The following WDFY1 variants were observed in gnomAD, a reference collection of about 807,000 sequenced individuals.
WDFY1 encodes the protein WD repeat and FYVE domain-containing protein 1.
Under a neutral mutation model 56.4 loss-of-function variants are expected in WDFY1, and 32 were observed. The observed-to-expected ratio is 0.57, with a 90% confidence interval of 0.43 to 0.76. The LOEUF (loss-of-function observed/expected upper bound fraction) is 0.76. Ranked by LOEUF, WDFY1 falls within the 30% of genes least tolerant of loss-of-function variation. WDFY1 has a pLI of 0.00. For missense variants in WDFY1, 480 were observed against 545.7 expected (o/e 0.88, Z 1.20); for synonymous variants, 192 against 197.3 (o/e 0.97, Z 0.23).
chr2:223,902,615 G>C (rs1389430415), intron 4 of WDFY1, among the ~76,000 whole-genome samples: 1 of 151,926 alleles, frequency 6.6e-6, no homozygotes, highest in Non-Finnish European at 1.5e-5. Flanking sequence ...ATTTGAGTAG[G>C]CCATATCTCA....
At chr2:223,903,126 A>T (rs967393265) in intron 4 of WDFY1, among the ~76,000 whole-genome samples, 1 of 152,182 alleles carries the variant, frequency 6.6e-6, no homozygotes, top group African/African-American at 2.4e-5. Flanking sequence ...CAATCCCTAT[A>T]TTAGTCCTCC....
rs188425314 is a variant in WDFY1 at position 223,944,476 on chromosome 2, G to A, written c.137+672C>T. Among the ~76,000 whole-genome samples the A allele has an allele frequency of 8.8e-3, 1,342 of 152,242 alleles. 19 individuals carry two copies. Among genetic ancestry groups the A allele is most frequent in the African/African-American group, 0.028 (1,157 of 41,554 alleles). ...CGCGTTGGTGCGCACTGGAACAGGG[G>A]TCCCCGGCTTGAGCAGCGCGGTGAG... On this transcript the variant is annotated intron_variant, in intron 1 of 11. Coordinates refer to ENST00000233055, the MANE Select transcript of WDFY1 (RefSeq NM_020830.5).
chr2:223,876,233 A>G lies in WDFY1; in HGVS notation c.*2438T>C, dbSNP rs767266243. The G allele has an allele frequency of 1.3e-5, 2 of 152,580 alleles. No individual in the cohort carries two copies. The highest frequency in any genetic ancestry group is 2.9e-5 in the Non-Finnish European group (2 of 68,020). The allele number at this position is 152,580 out of a possible 1,614,324, so 9.5% of individuals were successfully genotyped here. On this transcript the variant is annotated 3_prime_UTR_variant, in exon 12 of 12. Coordinates refer to ENST00000233055, the MANE Select transcript of WDFY1 (RefSeq NM_020830.5). ...TCCTTAATCCCTATCTGTACAAATT[A>G]GCCTGCATATTCAGGAATGGAACAA...
chr2:223,919,074 C>A (rs1693845290), intron 1 of WDFY1, among the ~76,000 whole-genome samples: 1 of 152,218 alleles, frequency 6.6e-6, no homozygotes, highest in Middle Eastern at 3.2e-3. Flanking sequence ...GGCCTCTGGG[C>A]GCCAGGCCTC....
chr2:223,879,597 C>T (rs1471288413), intron 11 of WDFY1, among the ~76,000 whole-genome samples: 1 of 151,738 alleles, frequency 6.6e-6, no homozygotes, highest in Non-Finnish European at 1.5e-5. Context: ...AAGGTGAAGG[C>T]CGCAGTGAGT....
intron 2 of WDFY1, 79 bp downstream of exon 2, chr2:223,917,864 G>A: frequency 1.3e-6 from 2 of 1,554,220 alleles, no homozygotes; most frequent in South Asian, 1.1e-5. Context: ...GAGCCACCAT[G>A]CTCAGCCGAC....
intron 1 of WDFY1, 151 bp from the exon 2 acceptor site, chr2:223,918,161 A>ATGTATG: frequency 1.5e-6 from 1 of 654,126 alleles, no homozygotes; most frequent in Non-Finnish European, 2.6e-6. Context: ...ATATACATAC[A>ATGTATG]TGTACACATA....
intron 7 of WDFY1, among the ~76,000 whole-genome samples, chr2:223,894,713 T>G (rs1221295446): frequency 6.6e-6 from 1 of 152,170 alleles, no homozygotes; most frequent in South Asian, 2.1e-4. Context: ...ACAATTCATA[T>G]GAACAAGGAG....
At chr2:223,929,463 C>G (rs1454380784) in intron 1 of WDFY1, among the ~76,000 whole-genome samples, 1 of 152,268 alleles carries the variant, frequency 6.6e-6, no homozygotes, top group South Asian at 2.1e-4. Flanking sequence ...GCTGGGATTA[C>G]AGGCATGAGC....
At chr2:223,918,194 T>C (rs927940500) in intron 1 of WDFY1, among the ~76,000 whole-genome samples, 184 bp from the exon 2 acceptor site, 10 of 151,744 alleles carry the variant, frequency 6.6e-5, no homozygotes, top group Non-Finnish European at 1.3e-4. Context: ...ATAACATATA[T>C]ATTATATACA....
chr2:223,918,029 A>G lies in WDFY1; in HGVS notation c.138-19T>C, dbSNP rs1327687833. The G allele has an allele frequency of 6.2e-7, 1 of 1,611,176 alleles. No homozygotes were observed. The highest frequency in any genetic ancestry group is 8.5e-7 in the Non-Finnish European group (1 of 1,179,324). ...GATGGTTCTGTGGAGAAAAGAAAAG[A>G]AAAAATAGAGTAGGTTTTAGTAATT... On this transcript the variant is annotated intron_variant, in intron 1 of 11. Transcript: ENST00000233055.
chr2:223,915,305 T>C (rs992944637), intron 2 of WDFY1, among the ~76,000 whole-genome samples: 6 of 152,202 alleles, frequency 3.9e-5, no homozygotes, highest in African/African-American at 1.4e-4. Flanking sequence ...CTTCTTGAGC[T>C]AGAAGCTCCT....
chr2:223,910,993 G>C (rs1030957701), intron 3 of WDFY1, among the ~76,000 whole-genome samples: 5 of 152,098 alleles, frequency 3.3e-5, no homozygotes, highest in Admixed American at 1.3e-4. Flanking sequence ...ATTGATAATA[G>C]CCAAAAAGTG....
intron 8 of WDFY1, among the ~76,000 whole-genome samples, chr2:223,892,437 A>G (rs1206715724): frequency 6.6e-6 from 1 of 152,190 alleles, no homozygotes; most frequent in African/African-American, 2.4e-5. Context: ...AAAATCTCAC[A>G]ATCAGTACGT....
At chr2:223,888,257 A>G (rs1464186878) in intron 8 of WDFY1, among the ~76,000 whole-genome samples, 1 of 152,022 alleles carries the variant, frequency 6.6e-6, no homozygotes, top group African/African-American at 2.4e-5. Context: ...AATTTTTTGT[A>G]CAAAGAGGGT....
At chr2:223,882,806 C>T (rs1450050608) in intron 9 of WDFY1, among the ~76,000 whole-genome samples, 5 of 152,000 alleles carry the variant, frequency 3.3e-5, no homozygotes, top group African/African-American at 4.8e-5. Flanking sequence ...CAGCTCACTG[C>T]GGCCTTGACC....
intron 1 of WDFY1, among the ~76,000 whole-genome samples, chr2:223,923,452 T>C (rs376889259): frequency 6.6e-6 from 1 of 152,228 alleles, no homozygotes. Flanking sequence ...AATAGTTTAG[T>C]AATATTTACA....
At chr2:223,888,298 G>A (rs1014416691) in intron 8 of WDFY1, among the ~76,000 whole-genome samples, 3 of 152,044 alleles carry the variant, frequency 2.0e-5, no homozygotes, top group African/African-American at 7.2e-5. Context: ...GAACTCCTGG[G>A]CTCAAGTGAT....
At chr2:223,941,706 C>A (rs1292949148) in intron 1 of WDFY1, among the ~76,000 whole-genome samples, 1 of 152,222 alleles carries the variant, frequency 6.6e-6, no homozygotes, top group Admixed American at 6.5e-5. Flanking sequence ...GGATTACAGG[C>A]GTGAGCCACC....
Sources: gnomAD v4.1 joint callset for allele counts (sites outside exome capture counted in the v4.1 genomes callset) on GRCh38, gnomAD v4.1.1 for gene constraint, MANE v1.5 for transcripts, NCBI Gene and HGNC (gene_info 2026-07-23, HGNC 2026-07-21) for gene names.